The following ROCK2 variants were observed in gnomAD, a reference collection of about 807,000 sequenced individuals.
ROCK2 encodes the protein rho-associated protein kinase 2.
ROCK2 carries 61 observed loss-of-function variants against 195.1 expected under a neutral mutation model. The observed-to-expected ratio is 0.31, with a 90% CI of 0.25 to 0.39. The LOEUF (loss-of-function observed/expected upper bound fraction) is 0.39. ROCK2 is among the 10% of genes least tolerant of loss of function. The pLI is 1.00. For synonymous variants in ROCK2, 504 were observed against 545.5 expected, an observed-to-expected ratio of 0.92 and a Z score of 1.06; for missense variants, 1,109 against 1,637.4, an observed-to-expected ratio of 0.68 and a Z score of 5.57.
chr2:11,250,156 A>ATTT (rs1665781379), intron 3 of ROCK2, among the ~76,000 whole-genome samples: 1 of 152,222 alleles, frequency 6.6e-6, no homozygotes, highest in Non-Finnish European at 1.5e-5. Flanking sequence ...ACTGAAAAAA[A>ATTT]ACCATTTATG....
chr2:11,306,566 A>T (rs1667865459), intron 1 of ROCK2, among the ~76,000 whole-genome samples: 1 of 152,228 alleles, frequency 6.6e-6, no homozygotes, highest in African/African-American at 2.4e-5. Context: ...ATATTCATTA[A>T]ATGACTGAGT....
chr2:11,224,736 A>G (rs1664755821), intron 6 of ROCK2, among the ~76,000 whole-genome samples: 1 of 150,470 alleles, frequency 6.6e-6, no homozygotes, highest in African/African-American at 2.4e-5. Context: ...TTTTTTTTTA[A>G]TTTAAGAGAG....
chr2:11,206,858 G>A lies in ROCK2; in HGVS notation c.2549+868C>T, dbSNP rs533020697. Among the ~76,000 whole-genome samples the A allele has an allele frequency of 3.2e-4, 49 of 152,222 alleles. No individual in the cohort carries two copies. The South Asian group carries it at 0.01, about 32-fold the overall frequency. On this transcript the variant is annotated intron_variant, in intron 20 of 32. Coordinates refer to ENST00000315872, the MANE Select transcript of ROCK2 (RefSeq NM_004850.5). ...CTCCCTTTCACAAGTGTGATAAAAG[G>A]CTTAGAGAAATTAAATCATTTGCCC...
chr2:11,306,365 T>A (rs1219413167), intron 1 of ROCK2, among the ~76,000 whole-genome samples: 1 of 152,218 alleles, frequency 6.6e-6, no homozygotes, highest in African/African-American at 2.4e-5. Context: ...CTTATTATAA[T>A]ATGTAAACTT....
chr2:11,189,711 G>T (rs983996867), intron 32 of ROCK2, among the ~76,000 whole-genome samples: 1 of 152,106 alleles, frequency 6.6e-6, no homozygotes, highest in Non-Finnish European at 1.5e-5. Flanking sequence ...GCCAGGCGTG[G>T]TGGCTCATGC....
At chr2:11,214,254 G>C in intron 17 of ROCK2, 103 bp downstream of exon 17, 1 of 644,542 alleles carries the variant, frequency 1.6e-6, no homozygotes, top group Non-Finnish European at 2.7e-6. Context: ...CCATGAGCAT[G>C]TGGAAATATT....
At position 11,287,640 on chromosome 2, in the gene ROCK2, T is replaced by C; in HGVS notation, c.223+15A>G. 1 of 851,570 alleles carries C rather than the reference T, an allele frequency of 1.2e-6. No individual in the cohort carries two copies. Among genetic ancestry groups the C allele is most frequent in the Non-Finnish European group, 1.7e-6 (1 of 582,486 alleles). The allele number at this position is 851,570 out of a possible 1,614,324, so 52.8% of individuals were successfully genotyped here. On this transcript the variant is annotated intron_variant, in intron 2 of 32. Coordinates refer to ENST00000315872, the MANE Select transcript of ROCK2 (RefSeq NM_004850.5). ...TAGAGTTATAAGATCAAATATGAAG[T>C]TTAAACATACTTACATCTATTTAAG...
intron 23 of ROCK2, 62 bp from the exon 24 acceptor site, chr2:11,198,836 G>T: frequency 2.2e-6 from 2 of 916,176 alleles, no homozygotes; most frequent in Non-Finnish European, 3.4e-6. Context: ...GTTATAAAAT[G>T]ATTCAAATGA....
intron 4 of ROCK2, among the ~76,000 whole-genome samples, chr2:11,242,429 G>A (rs569846487): frequency 1.2e-4 from 19 of 152,242 alleles, no homozygotes; most frequent in Middle Eastern, 3.4e-3. Context: ...GACCATTCAC[G>A]TGTGAGGATG....
chr2:11,273,222 G>A (rs1371881617), intron 3 of ROCK2, among the ~76,000 whole-genome samples: 1 of 150,680 alleles, frequency 6.6e-6, no homozygotes, highest in African/African-American at 2.4e-5. Context: ...AAAAGACAGA[G>A]ATTGGCAGAA....
At chr2:11,255,204 G>A (rs866954707) in intron 3 of ROCK2, among the ~76,000 whole-genome samples, 5 of 114,510 alleles carry the variant, frequency 4.4e-5, no homozygotes, top group South Asian at 3.1e-4. Context: ...GGGAAAGAGC[G>A]AGACCCCATC....
intron 3 of ROCK2, among the ~76,000 whole-genome samples, chr2:11,258,764 T>G: frequency 6.6e-6 from 1 of 150,742 alleles, no homozygotes; most frequent in African/African-American, 2.5e-5. Context: ...GAAGGAGCTG[T>G]GATAGGATGG....
rs1424637790 is a variant in ROCK2 at position 11,181,636 on chromosome 2, T to TC, written c.*1800_*1801insG. 1 of 149,528 alleles carries TC rather than the reference T, an allele frequency of 6.7e-6. No homozygotes were observed. Among genetic ancestry groups the TC allele is most frequent in the African/African-American group, 2.5e-5 (1 of 40,656 alleles). 9.3% of individuals were successfully genotyped at this position (149,528 alleles called of 1,614,324 possible). A position where few individuals can be genotyped will look rare whatever the true frequency, so the allele number is the denominator to read the frequency against. On this transcript the variant is annotated 3_prime_UTR_variant, in exon 33 of 33. Coordinates refer to ENST00000315872, the MANE Select transcript of ROCK2 (RefSeq NM_004850.5). ...TTCATCGAAATATTAGATGACTTTT[T>TC]TTTTTTTTTTTTTTTGAGACGGAGT...
At chr2:11,303,614 A>C (rs914793501) in intron 1 of ROCK2, among the ~76,000 whole-genome samples, 1 of 152,078 alleles carries the variant, frequency 6.6e-6, no homozygotes, top group East Asian at 1.9e-4. Context: ...TCTTACCCTT[A>C]AGAAAAAATC....
At chr2:11,314,112 T>C (rs929103217) in intron 1 of ROCK2, among the ~76,000 whole-genome samples, 1 of 151,894 alleles carries the variant, frequency 6.6e-6, no homozygotes, top group African/African-American at 2.4e-5. Flanking sequence ...AAAAATAAGG[T>C]AGATTTAAAT....
At chr2:11,268,567 C>T (rs10175719) in intron 3 of ROCK2, among the ~76,000 whole-genome samples, 109,761 of 149,530 alleles carry the variant, frequency 0.73, 41,988 homozygotes, top group East Asian at 0.94. Flanking sequence ...TCTCTGCATT[C>T]ACAGATGACT....
chr2:11,265,081 GTAA>G (rs1666368208), intron 3 of ROCK2, among the ~76,000 whole-genome samples: 1 of 151,894 alleles, frequency 6.6e-6, no homozygotes, highest in Non-Finnish European at 1.5e-5. Flanking sequence ...GGGCATAATA[GTAA>G]TAATACTTAC....
At chr2:11,271,597 T>G (rs1434785902) in intron 3 of ROCK2, among the ~76,000 whole-genome samples, 1 of 152,240 alleles carries the variant, frequency 6.6e-6, no homozygotes, top group Non-Finnish European at 1.5e-5. Flanking sequence ...GTTGTTAGGA[T>G]GGATGGTGAT....
At chr2:11,330,260 T>C (rs1432268265) in intron 1 of ROCK2, among the ~76,000 whole-genome samples, 1 of 152,166 alleles carries the variant, frequency 6.6e-6, no homozygotes, top group East Asian at 1.9e-4. Flanking sequence ...AAAGATAAAA[T>C]GTCATAAATC....
Sources: gnomAD v4.1 joint callset for allele counts (sites outside exome capture counted in the v4.1 genomes callset) on GRCh38, gnomAD v4.1.1 for gene constraint, MANE v1.5 for transcripts, NCBI Gene and HGNC (gene_info 2026-07-23, HGNC 2026-07-21) for gene names.